Variants in TTC28 observed in about 807,000 individuals in gnomAD.
The protein encoded by TTC28 is tetratricopeptide repeat protein 28.
A neutral mutation model predicts 198.0 loss-of-function variants in TTC28; 61 were observed. The observed-to-expected ratio is 0.31, with a 90% CI of 0.25 to 0.38. The LOEUF (loss-of-function observed/expected upper bound fraction) is 0.38. TTC28 is among the 10% of genes least tolerant of loss of function. The pLI is 1.00. For synonymous variants in TTC28, 1,171 were observed against 1,297.8 expected (o/e 0.90, Z 2.10); for missense variants, 2,678 against 3,164.0 (o/e 0.85, Z 3.69).
chr22:28,444,770 G>A (rs993139150), intron 2 of TTC28, among the ~76,000 whole-genome samples: 6 of 152,062 alleles, frequency 3.9e-5, no homozygotes, highest in Admixed American at 6.6e-5. Context: ...CGAACTTCTC[G>A]TCTCAAAAAA....
intron 14 of TTC28, 61 bp from the exon 15 acceptor site, chr22:28,001,614 C>T (rs1471165298): frequency 2.0e-6 from 3 of 1,516,970 alleles, no homozygotes; most frequent in Non-Finnish European, 2.7e-6. Flanking sequence ...TTTCAGGCAC[C>T]AGGACAACCC....
chr22:28,164,840 C>T (rs1000721868), intron 5 of TTC28, among the ~76,000 whole-genome samples: 6 of 151,924 alleles, frequency 3.9e-5, no homozygotes, highest in African/African-American at 7.3e-5. Context: ...TGATCAATGA[C>T]GAGTTGAGAG....
intron 5 of TTC28, among the ~76,000 whole-genome samples, chr22:28,209,157 A>G (rs117436126): frequency 0.015 from 2,221 of 152,330 alleles, 33 homozygotes; most frequent in Non-Finnish European, 0.02. Context: ...TCTGCACTTC[A>G]GTCTCCTTAG....
chr22:28,487,352 G>A (rs938177711), intron 2 of TTC28, among the ~76,000 whole-genome samples: 2 of 151,338 alleles, frequency 1.3e-5, no homozygotes, highest in Non-Finnish European at 2.9e-5. Flanking sequence ...GATAATAGTG[G>A]TTAAGATTTC....
rs68164494 is a variant in TTC28 at position 28,417,300 on chromosome 22, TAAAAAAAA to T, written c.382-110665_382-110658del. Among the ~76,000 whole-genome samples the T allele has an allele frequency of 9.0e-5, 4 of 44,668 alleles. 1 individual carries two copies. In the East Asian group the frequency reaches 2.3e-3, roughly 26 times the overall value. The allele number at this position is 44,668 out of a possible 152,430, so 29.3% of individuals were successfully genotyped here. ...AAACATAGCAAGACCCTGTCTCTAC[TAAAAAAAA>T]AAAAAAAAAAAAAAAAAAAGGACAG... is the stretch of plus-strand genomic sequence containing the variant. On this transcript the variant is annotated intron_variant, in intron 2 of 22. Coordinates refer to ENST00000397906, the MANE Select transcript of TTC28 (RefSeq NM_001145418.2).
chr22:28,059,205 C>T (rs1182050574), intron 12 of TTC28, among the ~76,000 whole-genome samples: 1 of 151,938 alleles, frequency 6.6e-6, no homozygotes, highest in Non-Finnish European at 1.5e-5. Flanking sequence ...CACTGACTTT[C>T]TACTTTCCTC....
At chr22:28,293,137 T>G (rs1038609770) in intron 5 of TTC28, among the ~76,000 whole-genome samples, 1 of 152,088 alleles carries the variant, frequency 6.6e-6, no homozygotes, top group Non-Finnish European at 1.5e-5. Flanking sequence ...AAAACAACCT[T>G]AAAAATTAGA....
intron 5 of TTC28, among the ~76,000 whole-genome samples, chr22:28,207,035 G>A (rs1433455140): frequency 6.6e-6 from 1 of 152,004 alleles, no homozygotes; most frequent in African/African-American, 2.4e-5. Flanking sequence ...TATTAGGAAG[G>A]TAAATTTGGG....
intron 2 of TTC28, among the ~76,000 whole-genome samples, chr22:28,554,136 G>C (rs1350736306): frequency 1.3e-5 from 2 of 151,866 alleles, no homozygotes; most frequent in Non-Finnish European, 2.9e-5. Flanking sequence ...GATTAAGGGC[G>C]GGGCAAGATG....
chr22:28,378,080 G>A (rs1420308780), intron 2 of TTC28, among the ~76,000 whole-genome samples: 3 of 152,140 alleles, frequency 2.0e-5, no homozygotes, highest in Non-Finnish European at 4.4e-5. Context: ...GGTGGCTCAC[G>A]CCTATAATCC....
At chr22:28,149,840 G>A (rs751397829) in intron 6 of TTC28, among the ~76,000 whole-genome samples, 2 of 152,134 alleles carry the variant, frequency 1.3e-5, no homozygotes, top group Non-Finnish European at 2.9e-5. Context: ...GCACAGCATG[G>A]TGACTGTAGT....
At chr22:28,169,571 C>T (rs1048764335) in intron 5 of TTC28, among the ~76,000 whole-genome samples, 4 of 151,998 alleles carry the variant, frequency 2.6e-5, no homozygotes, top group Non-Finnish European at 5.9e-5. Flanking sequence ...ATCGCAAGGA[C>T]AAAAAACCAA....
At chr22:28,001,721 G>T in intron 14 of TTC28, 168 bp from the exon 15 acceptor site, 1 of 709,914 alleles carries the variant, frequency 1.4e-6, no homozygotes, top group Non-Finnish European at 2.3e-6. Context: ...CTGCAGGAGC[G>T]GCACCAACTG....
intron 5 of TTC28, among the ~76,000 whole-genome samples, chr22:28,280,901 C>T (rs991289880): frequency 2.0e-5 from 3 of 151,826 alleles, no homozygotes; most frequent in Non-Finnish European, 4.4e-5. Context: ...TCTTTCAGCA[C>T]GCTGAAGATT....
At chr22:28,129,584 T>C (rs1348830740) in intron 6 of TTC28, among the ~76,000 whole-genome samples, 1 of 152,206 alleles carries the variant, frequency 6.6e-6, no homozygotes, top group Non-Finnish European at 1.5e-5. Flanking sequence ...GGAGCTAGTA[T>C]TACCTCCCTC....
At chr22:28,083,413 G>A (rs1386553438) in intron 12 of TTC28, among the ~76,000 whole-genome samples, 1 of 152,054 alleles carries the variant, frequency 6.6e-6, no homozygotes, top group African/African-American at 2.4e-5. Context: ...CTGACACTGG[G>A]GTTTTATTTT....
At chr22:28,547,167 A>G (rs2049561258) in intron 2 of TTC28, among the ~76,000 whole-genome samples, 1 of 152,144 alleles carries the variant, frequency 6.6e-6, no homozygotes, top group South Asian at 2.1e-4. Flanking sequence ...TTATACTTCA[A>G]TAAAGTGATT....
At chr22:28,215,672 G>GT (rs1927334455) in intron 5 of TTC28, among the ~76,000 whole-genome samples, 1 of 152,050 alleles carries the variant, frequency 6.6e-6, no homozygotes, top group Non-Finnish European at 1.5e-5. Context: ...GTGAATGTAG[G>GT]TAAGTTGGTG....
At chr22:28,443,098 C>G (rs991941186) in intron 2 of TTC28, 2 of 152,252 alleles carry the variant, frequency 1.3e-5, no homozygotes, top group Admixed American at 6.5e-5. Context: ...AAAGTATCCC[C>G]AAACCACGAA....
Sources: allele counts gnomAD v4.1 joint callset (sites outside exome capture counted in the v4.1 genomes callset), GRCh38; gene constraint gnomAD v4.1.1; transcripts MANE v1.5; gene names NCBI Gene and HGNC (gene_info 2026-07-23, HGNC 2026-07-21).